Variants in ASPH observed in about 807,000 individuals in gnomAD.
ASPH encodes aspartyl/asparaginyl beta-hydroxylase.
A neutral mutation model predicts 118.4 loss-of-function variants in ASPH; 100 were observed. That is an observed-to-expected ratio of 0.84 (90% CI 0.72 to 1.00). ASPH has a LOEUF of 1.00. ASPH is among the 50% of genes least tolerant of loss of function. The pLI is 0.00. For synonymous variants in ASPH, 315 were observed against 325.6 expected (o/e 0.97, Z 0.35); for missense variants, 920 against 919.5 (o/e 1.00, Z -0.01).
chr8:61,665,070 T>G, intron 3 of ASPH: 2 of 1,336,932 alleles, frequency 1.5e-6, no homozygotes, highest in South Asian at 4.8e-5. Context: ...TGTTTTTACA[T>G]TTAGAAGTAT....
At chr8:61,592,707 G>A (rs1362782017) in intron 14 of ASPH, among the ~76,000 whole-genome samples, 3 of 152,174 alleles carry the variant, frequency 2.0e-5, no homozygotes, top group Admixed American at 2.0e-4. Context: ...ATCACATAAA[G>A]CAACCTTACT....
chr8:61,509,057 TC>T (rs1430244540), intron 24 of ASPH, among the ~76,000 whole-genome samples: 7 of 152,158 alleles, frequency 4.6e-5, no homozygotes, highest in Non-Finnish European at 1.0e-4. Flanking sequence ...TCTGCCTTCC[TC>T]CTCTTAGTTC....
intron 21 of ASPH, among the ~76,000 whole-genome samples, chr8:61,545,367 C>T (rs568876564): frequency 6.6e-6 from 1 of 152,298 alleles, no homozygotes; most frequent in African/African-American, 2.4e-5. Context: ...AAGTAAATTT[C>T]TATTGTTTAT....
intron 3 of ASPH, among the ~76,000 whole-genome samples, chr8:61,653,923 C>G (rs915155198): frequency 6.6e-6 from 1 of 152,134 alleles, no homozygotes; most frequent in African/African-American, 2.4e-5. Context: ...ATCTCTAAAA[C>G]AGTCATGTCT....
intron 14 of ASPH, among the ~76,000 whole-genome samples, chr8:61,590,550 C>CTGTGTGTGTGTGTGTGTGTGTG (rs5891814): frequency 3.4e-5 from 5 of 146,696 alleles, no homozygotes; most frequent in African/African-American, 1.3e-4. Flanking sequence ...TAATTTAACT[C>CTGTGTGTGTGTGTGTGTGTGTG]TGTGTGTGTG....
At chr8:61,581,390 G>A (rs532252004) in intron 15 of ASPH, among the ~76,000 whole-genome samples, 2 of 152,224 alleles carry the variant, frequency 1.3e-5, no homozygotes, top group African/African-American at 4.8e-5. Context: ...CTAGGACCAA[G>A]ACAGTTCATG....
In ASPH at chr8:61,646,607, G is replaced by T. The variant is rs554749431; in HGVS notation, c.619+143C>A. On this transcript the variant is annotated intron_variant, in intron 6 of 24. Transcript: ENST00000379454. ...AGGTATCTATTTTAAGAAAAAATTT[G>T]CTTTAATTGAAGCTTTAAGCTTCAA... is the stretch of plus-strand genomic sequence containing the variant. 60 of 850,764 alleles carry T rather than the reference G, an allele frequency of 7.1e-5. No homozygotes were observed. In the African/African-American group the frequency reaches 8.2e-4, roughly 12 times the overall value. The allele number at this position is 850,764 out of a possible 1,614,324, so 52.7% of individuals were successfully genotyped here. A position where few individuals can be genotyped will look rare whatever the true frequency, so the allele number is the denominator to read the frequency against.
At chr8:61,642,666 G>A (rs557278109) in intron 10 of ASPH, among the ~76,000 whole-genome samples, 1 of 152,048 alleles carries the variant, frequency 6.6e-6, no homozygotes, top group Admixed American at 6.6e-5. Flanking sequence ...GGGAGTTTGA[G>A]ATAAACCCTA....
In ASPH at chr8:61,518,211, C is replaced by T. The variant is rs1811598860; in HGVS notation, c.1901-88G>A. On this transcript the variant is annotated intron_variant, in intron 22 of 24. Coordinates refer to ENST00000379454, the MANE Select transcript of ASPH (RefSeq NM_004318.4). ...GATGAGGTGAGAGCTATATGTCATC[C>T]TCACTGCAGGAATGAGAAGATTGAG... The T allele has an allele frequency of 3.6e-6, 4 of 1,106,308 alleles. 1 individual carries two copies. The East Asian group carries it at 9.7e-5, about 27-fold the overall frequency. The allele number at this position is 1,106,308 out of a possible 1,614,324, so 68.5% of individuals were successfully genotyped here. A position where few individuals can be genotyped will look rare whatever the true frequency, so the allele number is the denominator to read the frequency against.
At chr8:61,506,997 G>A (rs1235349551) in intron 24 of ASPH, among the ~76,000 whole-genome samples, 1 of 152,136 alleles carries the variant, frequency 6.6e-6, no homozygotes, top group African/African-American at 2.4e-5. Flanking sequence ...TAAAACACTA[G>A]AAGTAATTAA....
Position 61,501,946 on chromosome 8 carries a change from TGCA to T in ASPH, c.*1410_*1412del, listed in dbSNP as rs931519321. 6.6e-6 allele frequency: 1 copy of T among 152,212 alleles called. No homozygotes were observed. The highest frequency in any genetic ancestry group is 2.4e-5 in the African/African-American group (1 of 41,456). The allele number at this position is 152,212 out of a possible 1,614,324, so 9.4% of individuals were successfully genotyped here. A position where few individuals can be genotyped will look rare whatever the true frequency, so the allele number is the denominator to read the frequency against. ...TTTGGTGACCTATATGTGCCATTCA[TGCA>T]GCATTTTTGTTCATATTGGCTTAGA... is the stretch of plus-strand genomic sequence containing the variant. On this transcript the variant is annotated 3_prime_UTR_variant, in exon 25 of 25. Coordinates refer to ENST00000379454, the MANE Select transcript of ASPH (RefSeq NM_004318.4).
At chr8:61,703,088 T>C (rs1835675853) in intron 1 of ASPH, among the ~76,000 whole-genome samples, 1 of 152,192 alleles carries the variant, frequency 6.6e-6, no homozygotes, top group Non-Finnish European at 1.5e-5. Flanking sequence ...AAGTGGGACT[T>C]TGAGTGAGAA....
intron 3 of ASPH, among the ~76,000 whole-genome samples, chr8:61,666,663 A>C (rs577320963): frequency 1.3e-5 from 2 of 152,202 alleles, no homozygotes; most frequent in Non-Finnish European, 2.9e-5. Flanking sequence ...CTTGATTAAC[A>C]AACAAAAACA....
intron 2 of ASPH, 141 bp downstream of exon 2, chr8:61,683,898 C>T: frequency 1.0e-6 from 1 of 958,998 alleles, no homozygotes; most frequent in South Asian, 1.9e-5. Context: ...CTTCATATCC[C>T]CTTTCAGCCT....
At chr8:61,572,340 T>C (rs895563042) in intron 16 of ASPH, among the ~76,000 whole-genome samples, 2 of 152,232 alleles carry the variant, frequency 1.3e-5, no homozygotes, top group Non-Finnish European at 2.9e-5. Flanking sequence ...CTTTACTTCC[T>C]GGCATATTTT....
At chr8:61,629,425 AT>A (rs1854540957) in intron 13 of ASPH, among the ~76,000 whole-genome samples, 1 of 152,222 alleles carries the variant, frequency 6.6e-6, no homozygotes, top group Admixed American at 6.5e-5. Context: ...AATATGCTGT[AT>A]GATTTCAAGG....
At chr8:61,541,151 T>C (rs917044674) in intron 21 of ASPH, among the ~76,000 whole-genome samples, 4 of 152,084 alleles carry the variant, frequency 2.6e-5, no homozygotes, top group African/African-American at 9.7e-5. Context: ...TTTTAAAAGA[T>C]AGAATTTATT....
intron 1 of ASPH, among the ~76,000 whole-genome samples, chr8:61,708,944 G>A (rs187254689): frequency 1.5e-5 from 2 of 134,740 alleles, no homozygotes; most frequent in African/African-American, 5.6e-5. Flanking sequence ...TAGTATCTAC[G>A]GCAGATGATG....
At chr8:61,622,648 C>T (rs1448489758) in intron 13 of ASPH, among the ~76,000 whole-genome samples, 4 of 152,166 alleles carry the variant, frequency 2.6e-5, no homozygotes, top group Admixed American at 6.5e-5. Context: ...TAGTTAGTTG[C>T]CTAACCATCT....
Sources: allele counts gnomAD v4.1 joint callset (sites outside exome capture counted in the v4.1 genomes callset), GRCh38; gene constraint gnomAD v4.1.1; transcripts MANE v1.5; gene names NCBI Gene and HGNC (gene_info 2026-07-23, HGNC 2026-07-21).